Variants in SOS2 observed in about 807,000 individuals in gnomAD.
SOS2 encodes SOS Ras/Rho guanine nucleotide exchange factor 2.
Under a neutral mutation model 148.2 loss-of-function variants are expected in SOS2, and 65 were observed. The observed-to-expected ratio is 0.44, with a 90% CI of 0.36 to 0.54. The LOEUF (loss-of-function observed/expected upper bound fraction) is 0.54. SOS2 is among the 20% of genes least tolerant of loss of function. The pLI is 0.00. For missense variants in SOS2, 1,341 were observed against 1,590.2 expected (o/e 0.84, Z 2.67); for synonymous variants, 539 against 537.1 (o/e 1.00, Z -0.05).
chr14:50,212,459 C>T (rs1281043092), intron 1 of SOS2, among the ~76,000 whole-genome samples: 2 of 152,146 alleles, frequency 1.3e-5, no homozygotes, highest in African/African-American at 2.4e-5. Context: ...GGCAACATAG[C>T]GAGACTCCGT....
At chr14:50,160,379 C>CTTTTTTTTTTTTTTTTTTT (rs200021758) in intron 9 of SOS2, among the ~76,000 whole-genome samples, 1 of 78,852 alleles carries the variant, frequency 1.3e-5, no homozygotes, top group Non-Finnish European at 2.4e-5. Flanking sequence ...CAATGCTAAT[C>CTTTTTTTTTTTTTTTTTTT]TTTTTTTTTT....
rs756940411 is a variant in SOS2, at chr14:50,118,770, A to C, written c.3573T>G (p.Val1191=). 5.0e-6 allele frequency: 8 copies of C among 1,606,542 alleles called. No homozygotes were observed. The highest frequency in any genetic ancestry group is 6.8e-6 in the Non-Finnish European group (8 of 1,175,886). ...PPPKVKPRVP[V]PTGAFDGPLH... ...GAGGCCCATCAAATGCACCAGTAGGAACAGGAACTCTGGGTTTTACCTTTG... is the reference window on the plus strand; with the variant it reads ...GAGGCCCATCAAATGCACCAGTAGGCACAGGAACTCTGGGTTTTACCTTTG... Residue 1191 remains valine (V), a synonymous_variant, in exon 23 of 23, where the codon GTT becomes GTG. Transcript: ENST00000216373.
At chr14:50,166,618 CCTGT>C (rs1386523561) in intron 8 of SOS2, among the ~76,000 whole-genome samples, 25 of 152,214 alleles carry the variant, frequency 1.6e-4, no homozygotes, top group African/African-American at 5.1e-4. Flanking sequence ...ATAAGTGTAT[CCTGT>C]CTAAGATTTT....
intron 16 of SOS2, among the ~76,000 whole-genome samples, chr14:50,140,768 G>A (rs772517275): frequency 5.3e-4 from 80 of 152,138 alleles, no homozygotes; most frequent in Non-Finnish European, 9.9e-4. Context: ...TTCACACAGA[G>A]GATATGACTG....
chr14:50,222,690 G>C (rs957576390), intron 1 of SOS2, among the ~76,000 whole-genome samples: 1 of 152,218 alleles, frequency 6.6e-6, no homozygotes, highest in Non-Finnish European at 1.5e-5. Flanking sequence ...ATAGAAACAA[G>C]AAAGCCAGTA....
chr14:50,204,947 T>A (rs778509182), intron 1 of SOS2, among the ~76,000 whole-genome samples: 2 of 150,966 alleles, frequency 1.3e-5, no homozygotes, highest in African/African-American at 2.4e-5. Context: ...GATGAGCCGT[T>A]TTTGTTTCTA....
intron 1 of SOS2, among the ~76,000 whole-genome samples, chr14:50,206,515 G>A (rs559047235): frequency 6.6e-6 from 1 of 152,276 alleles, no homozygotes; most frequent in South Asian, 2.1e-4. Flanking sequence ...TGGTTATATT[G>A]TATTGTTTAG....
At chr14:50,161,171 T>C (rs1356105587) in intron 9 of SOS2, among the ~76,000 whole-genome samples, 1 of 151,450 alleles carries the variant, frequency 6.6e-6, no homozygotes, top group Non-Finnish European at 1.5e-5. Flanking sequence ...TGGGCTCCTG[T>C]AGTTCCAGTT....
intron 1 of SOS2, among the ~76,000 whole-genome samples, chr14:50,211,564 C>A (rs2139820899): frequency 6.7e-6 from 1 of 150,116 alleles, no homozygotes; most frequent in Non-Finnish European, 1.5e-5. Context: ...TTTTTTTGTT[C>A]CTGCATTAAT....
In SOS2 at chr14:50,156,951, G is replaced by A. The variant is rs112503338; in HGVS notation, c.2057+48C>T. 34,855 of 814,294 alleles carry A rather than the reference G, an allele frequency of 0.043. 1,173 individuals carry two copies. The highest frequency in any genetic ancestry group is 0.063 in the African/African-American group (3,739 of 59,050). 50.4% of individuals were successfully genotyped at this position (814,294 alleles called of 1,614,324 possible). A position where few individuals can be genotyped will look rare whatever the true frequency, so the allele number is the denominator to read the frequency against. On this transcript the variant is annotated intron_variant, in intron 12 of 22. Transcript: ENST00000216373. ...TGACACATAAAATGTGTGTGTGTGT[G>A]TATATATATGTGTATATATATATAT...
rs953789188 is a variant in SOS2, at chr14:50,231,450, C to A, written c.-167G>T. 1.3e-5 allele frequency: 2 copies of A among 152,478 alleles called. No homozygotes were observed. The highest frequency in any genetic ancestry group is 4.9e-5 in the African/African-American group (2 of 41,162). The allele number at this position is 152,478 out of a possible 1,614,324, so 9.4% of individuals were successfully genotyped here. A position where few individuals can be genotyped will look rare whatever the true frequency, so the allele number is the denominator to read the frequency against. ...GCGGCGCCGGCGGGCTGGCGGAGAC[C>A]CCGGGGTCGGCTTCCTCCGCCGAGG... On this transcript the variant is annotated 5_prime_UTR_variant, in exon 1 of 23. Coordinates refer to ENST00000216373, the MANE Select transcript of SOS2 (RefSeq NM_006939.4).
chr14:50,157,434 C>A (rs1375267752), intron 11 of SOS2, among the ~76,000 whole-genome samples: 4 of 151,962 alleles, frequency 2.6e-5, no homozygotes, highest in Non-Finnish European at 4.4e-5. Context: ...CTAACAATGT[C>A]TTTAATATTT....
chr14:50,145,049 T>C (rs1884424921), intron 16 of SOS2, 121 bp downstream of exon 16: 1 of 449,078 alleles, frequency 2.2e-6, no homozygotes, highest in Non-Finnish European at 3.9e-6. Context: ...TTATATCATA[T>C]TTATGAAGCA....
rs140994310 is a variant in SOS2, at chr14:50,209,274, CGTGTGTGT to C, written c.88-4873_88-4866del. 7.0e-3 allele frequency among the ~76,000 whole-genome samples: 829 copies of C among 118,364 alleles called. 4 individuals carry two copies. Among genetic ancestry groups the C allele is most frequent in the Admixed American group, 9.1e-3 (107 of 11,780 alleles). 77.7% of individuals were successfully genotyped at this position (118,364 alleles called of 152,430 possible). ...CTCATGAGCCTATTTCCTTAAATGT[CGTGTGTGT>C]GTGTGTGTGTGTGTGTGTGTGTGTG... On this transcript the variant is annotated intron_variant, in intron 1 of 22. Transcript: ENST00000216373.
chr14:50,227,247 C>CTTTTTTT (rs71118857), intron 1 of SOS2, among the ~76,000 whole-genome samples: 2 of 121,624 alleles, frequency 1.6e-5, no homozygotes, highest in Admixed American at 9.8e-5. Flanking sequence ...TTCTTTCTTT[C>CTTTTTTT]TTTTTTTTTT....
chr14:50,143,954 T>C (rs575366793), intron 16 of SOS2, among the ~76,000 whole-genome samples: 1 of 151,744 alleles, frequency 6.6e-6, no homozygotes, highest in Non-Finnish European at 1.5e-5. Context: ...CCCCCACACC[T>C]GGCCAAAAGC....
chr14:50,215,455 A>G (rs1887016729), intron 1 of SOS2: 1 of 1,263,792 alleles, frequency 7.9e-7, no homozygotes, highest in Admixed American at 2.6e-5. Context: ...TAAACATAAA[A>G]TTACCACGAC....
At chr14:50,178,189 G>A (rs999727348) in intron 7 of SOS2, among the ~76,000 whole-genome samples, 2 of 152,174 alleles carry the variant, frequency 1.3e-5, no homozygotes, top group African/African-American at 4.8e-5. Flanking sequence ...TGGAGGTGGG[G>A]CCTAGTGGGA....
At position 50,117,799 on chromosome 14, in the gene SOS2, T is replaced by A. The variant is rs538449618; in HGVS notation, c.*545A>T. On this transcript the variant is annotated 3_prime_UTR_variant, in exon 23 of 23. Transcript: ENST00000216373. ...TCTATTATTTTCATCCTACTTTTCA[T>A]TTTTGTCTTCAGCAGCAAATACCGG... The A allele has an allele frequency of 1.2e-4, 18 of 152,448 alleles. No individual in the cohort carries two copies. The highest frequency in any genetic ancestry group is 4.1e-4 in the African/African-American group (17 of 41,582). 9.4% of individuals were successfully genotyped at this position (152,448 alleles called of 1,614,324 possible). A position where few individuals can be genotyped will look rare whatever the true frequency, so the allele number is the denominator to read the frequency against.
Sources: allele counts gnomAD v4.1 joint callset (sites outside exome capture counted in the v4.1 genomes callset), GRCh38; gene constraint gnomAD v4.1.1; transcripts MANE v1.5; gene names NCBI Gene and HGNC (gene_info 2026-07-23, HGNC 2026-07-21).